Variants in EPM2A observed in about 807,000 individuals in gnomAD.
The protein encoded by EPM2A is laforin.
In EPM2A, 21 loss-of-function variants were observed where a neutral mutation model predicts 26.5. That is an observed-to-expected ratio of 0.79 (90% CI 0.56 to 1.14). The LOEUF (loss-of-function observed/expected upper bound fraction) is 1.14. EPM2A is among the 50% of genes most tolerant of loss of function. The pLI is 0.00. For missense variants in EPM2A, 458 were observed against 440.8 expected (o/e 1.04, Z -0.35); for synonymous variants, 217 against 177.6 (o/e 1.22, Z -1.76).
chr6:145,522,990 T>C (rs1002989101), intron 2 of EPM2A, among the ~76,000 whole-genome samples: 11 of 152,306 alleles, frequency 7.2e-5, no homozygotes, highest in Admixed American at 1.3e-4. Flanking sequence ...CAAAAAGCCT[T>C]CTCAGGGGTT....
At position 145,583,582 on chromosome 6, in the gene EPM2A, C is replaced by T. The variant is rs1036524514; in HGVS notation, c.340+51663G>A. On this transcript the variant is annotated intron_variant, in intron 2 of 3. Transcript: ENST00000450221. ...CTAGCCCCAACATTCCAATGGCGGG[C>T]GGGGTGGGGTGTGCCAGCCAAAGCA... Among the ~76,000 whole-genome samples the T allele has an allele frequency of 4.6e-5, 7 of 152,202 alleles. No homozygotes were observed. The South Asian group carries it at 6.2e-4, about 14-fold the overall frequency.
rs139166632 is a variant in EPM2A at position 145,479,097 on chromosome 6, T to C, written c.555+23425A>G. Among the ~76,000 whole-genome samples the C allele has an allele frequency of 2.6e-3, 388 of 151,556 alleles. 6 individuals carry two copies. The highest frequency in any genetic ancestry group is 8.9e-3 in the African/African-American group (370 of 41,484). On this transcript the variant is annotated intron_variant, in intron 4 of 4. Coordinates refer to the EPM2A transcript ENST00000638717. ...GTCTTTACTGATTTTTGACCACTGG[T>C]TCTACCCATAATGAGAAACTATGTT...
chr6:145,671,218 A>T (rs1178859666), intron 2 of EPM2A: 6 of 1,027,336 alleles, frequency 5.8e-6, no homozygotes, highest in Non-Finnish European at 7.1e-6. Context: ...TCTTATCATT[A>T]TACAAGAAGT....
intron 1 of EPM2A, among the ~76,000 whole-genome samples, chr6:145,686,651 A>G (rs1780939060): frequency 6.6e-6 from 1 of 152,024 alleles, no homozygotes; most frequent in Non-Finnish European, 1.5e-5. Context: ...ATGCCCCTGT[A>G]TTATACACTT....
intron 2 of EPM2A, among the ~76,000 whole-genome samples, chr6:145,619,897 T>A (rs1002161494): frequency 1.3e-5 from 2 of 152,106 alleles, no homozygotes; most frequent in Non-Finnish European, 2.9e-5. Context: ...AAGAGACACA[T>A]AGAAAAGGTC....
At chr6:145,528,804 G>A (rs1273708724) in intron 2 of EPM2A, among the ~76,000 whole-genome samples, 1 of 152,058 alleles carries the variant, frequency 6.6e-6, no homozygotes, top group Non-Finnish European at 1.5e-5. Context: ...GCCTTAAATG[G>A]TGATTCCTCT....
chr6:145,415,895 G>A (rs1778701583), intron 4 of EPM2A, among the ~76,000 whole-genome samples: 1 of 152,122 alleles, frequency 6.6e-6, no homozygotes, highest in South Asian at 2.1e-4. Flanking sequence ...GACCCCAATT[G>A]CAAAGCCATT....
At chr6:145,714,401 G>A (rs911642551) in intron 1 of EPM2A, among the ~76,000 whole-genome samples, 4 of 152,128 alleles carry the variant, frequency 2.6e-5, no homozygotes, top group South Asian at 2.1e-4. Flanking sequence ...CTACTATAGC[G>A]AAGTGATATA....
In EPM2A at chr6:145,657,927, A is replaced by AT. The variant is rs1778413535; in HGVS notation, c.477-22442dup. 2.0e-5 allele frequency among the ~76,000 whole-genome samples: 3 copies of AT among 152,198 alleles called. 1 individual carries two copies. Among genetic ancestry groups the AT allele is most frequent in the African/African-American group, 7.2e-5 (3 of 41,442 alleles). The stretch of plus-strand genomic sequence containing the variant: ...TGCCCTTCAACTTTGTCCTAAAGTG[A>AT]TAGTACCAACCTCCCGTCAGCTTAG... On this transcript the variant is annotated intron_variant, in intron 2 of 3. Coordinates refer to ENST00000367519, the MANE Select transcript of EPM2A (RefSeq NM_005670.4).
chr6:145,554,475 G>GATAGAT lies in EPM2A; in HGVS notation c.341-51901_341-51900insATCTAT, dbSNP rs1230933938. Among the ~76,000 whole-genome samples the GATAGAT allele has an allele frequency of 2.2e-4, 33 of 149,348 alleles. No individual in the cohort carries two copies. In the East Asian group the frequency reaches 3.1e-3, roughly 14 times the overall value. On this transcript the variant is annotated intron_variant, in intron 2 of 3. Transcript: ENST00000450221. ...AGATAGATAGATAGATAGATACATA[G>GATAGAT]ACAGAGAGACAGATTGATTTACTTT... is the stretch of plus-strand genomic sequence containing the variant.
chr6:145,651,644 T>A (rs951104383), intron 2 of EPM2A, among the ~76,000 whole-genome samples: 2 of 152,070 alleles, frequency 1.3e-5, no homozygotes, highest in African/African-American at 4.8e-5. Flanking sequence ...CTTTTTAGAT[T>A]TACACGAGGA....
chr6:145,512,453 G>A (rs926787065), intron 2 of EPM2A, among the ~76,000 whole-genome samples: 6 of 152,014 alleles, frequency 3.9e-5, no homozygotes, highest in Admixed American at 3.3e-4. Context: ...GGTGGCTCAC[G>A]TCTGTAATCC....
intron 2 of EPM2A, among the ~76,000 whole-genome samples, chr6:145,553,214 T>C (rs1157412409): frequency 6.6e-6 from 1 of 152,140 alleles, no homozygotes; most frequent in Admixed American, 6.6e-5. Flanking sequence ...TCCACCATGA[T>C]TGTAAGTTTC....
At chr6:145,518,612 A>C (rs1018647515) in intron 2 of EPM2A, among the ~76,000 whole-genome samples, 50 of 150,868 alleles carry the variant, frequency 3.3e-4, no homozygotes, top group East Asian at 9.7e-4. Flanking sequence ...AAAAAAAAAA[A>C]AAAAAAAAAA....
intron 4 of EPM2A, among the ~76,000 whole-genome samples, chr6:145,468,159 AT>A (rs1333168765): frequency 1.3e-5 from 2 of 152,104 alleles, no homozygotes; most frequent in Non-Finnish European, 2.9e-5. Context: ...TCCTGACTAT[AT>A]GATAGCCTTT....
intron 2 of EPM2A, among the ~76,000 whole-genome samples, chr6:145,541,289 A>C (rs1391205659): frequency 6.7e-6 from 1 of 149,370 alleles, no homozygotes; most frequent in East Asian, 2.1e-4. Flanking sequence ...ATATATAAAA[A>C]ACACCAATTT....
intron 4 of EPM2A, among the ~76,000 whole-genome samples, chr6:145,400,548 G>A (rs1778470627): frequency 6.6e-6 from 1 of 152,106 alleles, no homozygotes; most frequent in Admixed American, 6.6e-5. Flanking sequence ...AGAGACCACT[G>A]ACTATGGAGT....
chr6:145,711,091 T>C (rs977126976), intron 1 of EPM2A, among the ~76,000 whole-genome samples: 2 of 152,130 alleles, frequency 1.3e-5, no homozygotes, highest in African/African-American at 2.4e-5. Context: ...CTGCACGTTG[T>C]GCACATGTGC....
rs181566558 is a variant in EPM2A at position 145,526,117 on chromosome 6, C to T, written c.341-23542G>A. Among the ~76,000 whole-genome samples the T allele has an allele frequency of 1.6e-4, 25 of 152,134 alleles. No homozygotes were observed. In the East Asian group the frequency reaches 4.4e-3, roughly 27 times the overall value. Reference sequence around the variant, plus strand: ...CACTTATTGATTTGTGTATACTGAACCATCCTTGCATCCCAGGAAGAAAGC... The same window carrying T: ...CACTTATTGATTTGTGTATACTGAATCATCCTTGCATCCCAGGAAGAAAGC... On this transcript the variant is annotated intron_variant, in intron 2 of 3. Transcript: ENST00000450221.
Sources: allele counts gnomAD v4.1 joint callset (sites outside exome capture counted in the v4.1 genomes callset), GRCh38; gene constraint gnomAD v4.1.1; transcripts MANE v1.5; gene names NCBI Gene and HGNC (gene_info 2026-07-23, HGNC 2026-07-21).